The following EXT1 variants were observed in gnomAD, a reference collection of about 807,000 sequenced individuals.
EXT1 encodes the protein exostosin glycosyltransferase 1.
A neutral mutation model predicts 82.5 loss-of-function variants in EXT1; 20 were observed. That is an observed-to-expected ratio of 0.24 (90% CI 0.17 to 0.35). The LOEUF (loss-of-function observed/expected upper bound fraction) is 0.35, where lower values mean the gene tolerates loss of function less well. Ranked by LOEUF, EXT1 falls within the 10% of genes least tolerant of loss-of-function variation. The pLI is 1.00. For missense variants in EXT1, 757 were observed against 936.5 expected (o/e 0.81, Z 2.50); for synonymous variants, 348 against 350.8 (o/e 0.99, Z 0.09).
chr8:118,090,807 A>AAAAAAAAAAAC (rs1817510304), intron 1 of EXT1, among the ~76,000 whole-genome samples: 1 of 148,640 alleles, frequency 6.7e-6, no homozygotes, highest in Non-Finnish European at 1.5e-5. Flanking sequence ...AAAAAAAAAA[A>AAAAAAAAAAAC]AAGCATGTGC....
chr8:117,940,095 T>A (rs1586297950), intron 1 of EXT1, among the ~76,000 whole-genome samples: 1 of 152,212 alleles, frequency 6.6e-6, no homozygotes, highest in Non-Finnish European at 1.5e-5. Flanking sequence ...AGTCATGGCA[T>A]TCAATAGCAC....
At chr8:118,090,818 C>G (rs1236663533) in intron 1 of EXT1, among the ~76,000 whole-genome samples, 8 of 120,568 alleles carry the variant, frequency 6.6e-5, no homozygotes, top group Non-Finnish European at 1.4e-4. Context: ...AAGCATGTGC[C>G]TGATAGATGA....
At chr8:118,003,828 T>C (rs1815723325) in intron 1 of EXT1, among the ~76,000 whole-genome samples, 1 of 152,212 alleles carries the variant, frequency 6.6e-6, no homozygotes. Context: ...TTAAATAATA[T>C]ATTTCATGTT....
chr8:118,037,564 A>C (rs1816446070), intron 1 of EXT1, among the ~76,000 whole-genome samples: 4 of 151,948 alleles, frequency 2.6e-5, no homozygotes. Flanking sequence ...AGAGAAATTA[A>C]TGTGTTTTCT....
At chr8:117,818,297 A>G in intron 7 of EXT1, 138 bp downstream of exon 7, 1 of 737,498 alleles carries the variant, frequency 1.4e-6, no homozygotes, top group Non-Finnish European at 2.4e-6. Flanking sequence ...AAATCTGAGA[A>G]TATTCTGAGA....
chr8:117,844,796 G>A (rs762375352), intron 1 of EXT1, among the ~76,000 whole-genome samples: 1 of 152,102 alleles, frequency 6.6e-6, no homozygotes, highest in Non-Finnish European at 1.5e-5. Flanking sequence ...TGGCTGACCA[G>A]GTTGGCTGCA....
chr8:117,980,704 T>G lies in EXT1; in HGVS notation c.962+129381A>C, dbSNP rs1423384307. On this transcript the variant is annotated intron_variant, in intron 1 of 10. Coordinates refer to ENST00000378204, the MANE Select transcript of EXT1 (RefSeq NM_000127.3). ...GTTTGTTCGGGTGTTGGTGGTTTTT[T>G]TTTTTTTTTTTTTTTTTTTTTTTTT... is the stretch of plus-strand genomic sequence containing the variant. Among the ~76,000 whole-genome samples the G allele has an allele frequency of 7.1e-3, 297 of 41,914 alleles. 11 individuals are homozygous for G. Among genetic ancestry groups the G allele is most frequent in the African/African-American group, 0.029 (216 of 7,464 alleles). The allele number at this position is 41,914 out of a possible 152,430, so 27.5% of individuals were successfully genotyped here.
intron 1 of EXT1, among the ~76,000 whole-genome samples, chr8:118,004,352 G>A (rs1815732473): frequency 1.3e-5 from 2 of 152,194 alleles, no homozygotes; most frequent in Non-Finnish European, 1.5e-5. Flanking sequence ...TTTTACTGTT[G>A]CATCTCCAGG....
At chr8:118,092,330 C>T (rs1412178421) in intron 1 of EXT1, among the ~76,000 whole-genome samples, 2 of 152,076 alleles carry the variant, frequency 1.3e-5, no homozygotes, top group Non-Finnish European at 2.9e-5. Context: ...AAAGAGGAGG[C>T]TACAAAAAGT....
At chr8:117,837,001 A>C (rs887548088) in intron 2 of EXT1, 107 bp downstream of exon 2, 4 of 815,488 alleles carry the variant, frequency 4.9e-6, no homozygotes, top group Admixed American at 3.7e-5. Context: ...TCCTCAAGGG[A>C]AACCACACCT....
At chr8:117,993,625 G>A (rs1373310149) in intron 1 of EXT1, among the ~76,000 whole-genome samples, 3 of 152,102 alleles carry the variant, frequency 2.0e-5, no homozygotes, top group African/African-American at 7.2e-5. Context: ...AGAGAAAAGG[G>A]GTTCTGTTCA....
At position 117,802,266 on chromosome 8, in the gene EXT1, T is replaced by C. The variant is rs1204897728; in HGVS notation, c.2056-2369A>G. ...CAAATCCACCCCCTAAGAGGCCTTG[T>C]ATGACTAGAATTCCCCACTTAGTGA... On this transcript the variant is annotated intron_variant, in intron 10 of 10. Coordinates refer to ENST00000378204, the MANE Select transcript of EXT1 (RefSeq NM_000127.3). Among the ~76,000 whole-genome samples the C allele has an allele frequency of 2.0e-5, 3 of 152,316 alleles. No individual in the cohort carries two copies. In the South Asian group the frequency reaches 6.2e-4, roughly 32 times the overall value.
chr8:117,998,152 T>C (rs1815587029), intron 1 of EXT1, among the ~76,000 whole-genome samples: 1 of 151,828 alleles, frequency 6.6e-6, no homozygotes, highest in Non-Finnish European at 1.5e-5. Context: ...TAGCTGGGAT[T>C]ACAAGTGCCC....
chr8:117,957,834 C>A (rs144604257), intron 1 of EXT1, among the ~76,000 whole-genome samples: 1 of 152,254 alleles, frequency 6.6e-6, no homozygotes. Flanking sequence ...AATGCTAATT[C>A]CAGCTCAAAG....
chr8:117,929,791 T>C (rs1381722868), intron 1 of EXT1, among the ~76,000 whole-genome samples: 1 of 152,240 alleles, frequency 6.6e-6, no homozygotes. Flanking sequence ...TATGGGCATC[T>C]ATCTGTAATG....
intron 1 of EXT1, among the ~76,000 whole-genome samples, chr8:117,911,154 T>C (rs1175024840): frequency 6.6e-6 from 1 of 152,348 alleles, no homozygotes; most frequent in East Asian, 1.9e-4. Context: ...GCCCAGTGCC[T>C]GGCACACGGC....
chr8:118,088,860 A>T (rs1008669355), intron 1 of EXT1, among the ~76,000 whole-genome samples: 3 of 152,134 alleles, frequency 2.0e-5, no homozygotes, highest in African/African-American at 7.2e-5. Flanking sequence ...AGTAATATGA[A>T]ACAGCCTGAA....
intron 1 of EXT1, among the ~76,000 whole-genome samples, chr8:118,058,803 T>C (rs1321668636): frequency 2.0e-5 from 3 of 152,160 alleles, no homozygotes; most frequent in African/African-American, 2.4e-5. Context: ...TAGATATACA[T>C]AACTGATTAA....
chr8:117,873,447 C>CTTT (rs1184985472), intron 1 of EXT1, among the ~76,000 whole-genome samples: 16 of 99,676 alleles, frequency 1.6e-4, no homozygotes, highest in East Asian at 2.8e-4. Context: ...TGTCCTGTGA[C>CTTT]TTTTTTTTTT....
Sources: allele counts gnomAD v4.1 joint callset (sites outside exome capture counted in the v4.1 genomes callset), GRCh38; gene constraint gnomAD v4.1.1; transcripts MANE v1.5; gene names NCBI Gene and HGNC (gene_info 2026-07-23, HGNC 2026-07-21).